Variants in RBM23 observed in about 807,000 individuals in gnomAD.
The protein encoded by RBM23 is RNA binding motif protein 23, also known as probable RNA-binding protein 23.
In RBM23, 53 loss-of-function variants were observed where a neutral mutation model predicts 56.2. The observed-to-expected ratio is 0.94, with a 90% CI of 0.76 to 1.19. The LOEUF (loss-of-function observed/expected upper bound fraction) is 1.19. Among genes scored for constraint, RBM23 ranks in the 50% most tolerant of loss-of-function variants. The probability of loss-of-function intolerance (pLI) is 0.00; values close to 1 mark genes in which losing one functional copy is unlikely to be tolerated. For missense variants in RBM23, 642 were observed against 590.3 expected, an observed-to-expected ratio of 1.09 and a Z score of -0.91; for synonymous variants, 197 against 198.5, an observed-to-expected ratio of 0.99 and a Z score of 0.06.
chr14:22,915,371 T>C (rs2043294093), intron 1 of RBM23, among the ~76,000 whole-genome samples: 1 of 150,810 alleles, frequency 6.6e-6, no homozygotes, highest in African/African-American at 2.4e-5. Context: ...CAGCTAATTT[T>C]GTATTTTTAG....
chr14:22,903,984 G>T, intron 10 of RBM23: 1 of 1,373,928 alleles, frequency 7.3e-7, no homozygotes, highest in Non-Finnish European at 9.4e-7. Flanking sequence ...CTGCAGCCTG[G>T]TTACTATTAC....
At chr14:22,916,187 G>A (rs1395887191) in intron 1 of RBM23, among the ~76,000 whole-genome samples, 2 of 152,130 alleles carry the variant, frequency 1.3e-5, no homozygotes, top group Non-Finnish European at 2.9e-5. Context: ...CTGCAATCCA[G>A]TCTGTGCAGC....
At chr14:22,912,998 CAAAAAA>C (rs58361546) in intron 1 of RBM23, among the ~76,000 whole-genome samples, 2 of 35,412 alleles carry the variant, frequency 5.6e-5, no homozygotes, top group Non-Finnish European at 8.7e-5. Context: ...GATTCAGTCT[CAAAAAA>C]AAAAAAAAAA....
chr14:22,913,108 A>C (rs919140299), intron 1 of RBM23, among the ~76,000 whole-genome samples: 1 of 151,250 alleles, frequency 6.6e-6, no homozygotes, highest in Non-Finnish European at 1.5e-5. Flanking sequence ...GGCTGGGAGA[A>C]AAAGATTTTA....
At position 22,899,970 on chromosome 14, in the gene RBM23, C is replaced by G. The variant is rs2040321228; in HGVS notation, c.*1760G>C. Reference sequence around the variant, plus strand: ...AGCCCTGCCCCTGAATTCAGGCCTTCTCATTTGGTCCCTAAGCTGGGTGAG... The same window carrying G: ...AGCCCTGCCCCTGAATTCAGGCCTTGTCATTTGGTCCCTAAGCTGGGTGAG... On this transcript the variant is annotated 3_prime_UTR_variant, in exon 14 of 14. Transcript: ENST00000359890. 1.3e-5 allele frequency: 2 copies of G among 152,124 alleles called. No homozygotes were observed. Among genetic ancestry groups the G allele is most frequent in the Non-Finnish European group, 2.9e-5 (2 of 68,016 alleles). The allele number at this position is 152,124 out of a possible 1,614,324, so 9.4% of individuals were successfully genotyped here.
intron 1 of RBM23, among the ~76,000 whole-genome samples, chr14:22,912,578 G>T (rs933285818): frequency 6.6e-6 from 1 of 152,090 alleles, no homozygotes; most frequent in African/African-American, 2.4e-5. Context: ...AATGTTATTG[G>T]TCTGGAATTA....
chr14:22,903,960 C>T, intron 10 of RBM23: 1 of 1,327,350 alleles, frequency 7.5e-7, no homozygotes, highest in South Asian at 1.5e-5. Flanking sequence ...TCCCTCACAC[C>T]CCCAACCTTT....
intron 5 of RBM23, 165 bp from the exon 6 acceptor site, chr14:22,905,824 C>T (rs896140273): frequency 3.2e-6 from 2 of 633,492 alleles, no homozygotes; most frequent in Non-Finnish European, 2.7e-6. Context: ...TCTCGGGTCA[C>T]TGCAACCTTT....
In RBM23 at chr14:22,902,275, G is replaced by A; in HGVS notation, c.1038C>T (p.Gly346=). The change falls in exon 11 of 14, where the codon GGC becomes GGT. Residue 346 remains glycine (G), a synonymous_variant. Coordinates refer to ENST00000359890, the MANE Select transcript of RBM23 (RefSeq NM_001077351.2). ...CCCCATCAGGAAAAGTGATGTCTGT[G>A]CCACCATCCAGTCGCTCAGTCACAT... The part of the protein sequence containing the change: ...VGHVTERLDG[G]TDITFPDGDQ... 6.2e-7 allele frequency: 1 copy of A among 1,614,144 alleles called. No homozygotes were observed. Among genetic ancestry groups the A allele is most frequent in the Non-Finnish European group, 8.5e-7 (1 of 1,180,038 alleles).
In RBM23 at chr14:22,902,372, G is replaced by C. The variant is rs1251595424; in HGVS notation, c.941C>G (p.Ser314Cys). 6.2e-7 allele frequency: 1 copy of C among 1,611,422 alleles called. No individual in the cohort carries two copies. The highest frequency in any genetic ancestry group is 8.5e-7 in the Non-Finnish European group (1 of 1,177,772). The change falls in exon 11 of 14, where the codon TCT (serine) becomes TGT (cysteine). Residue 314 changes from serine (S) to cysteine (C), a missense_variant. Coordinates refer to ENST00000359890, the MANE Select transcript of RBM23 (RefSeq NM_001077351.2). The stretch of plus-strand genomic sequence containing the variant: ...TTCCAGGGCCCGCCGGGCACACTCA[G>C]AATCAGAGAACTATGAGAAACCCAG... ...KGYGFITFSD[S>C]ECARRALEQL...
intron 4 of RBM23, among the ~76,000 whole-genome samples, chr14:22,907,875 G>C (rs2041836801): frequency 6.6e-6 from 1 of 151,874 alleles, no homozygotes; most frequent in African/African-American, 2.4e-5. Context: ...TTGTGTCGTA[G>C]TTTTCAACAA....
chr14:22,910,350 T>C (rs1348844668), intron 2 of RBM23, among the ~76,000 whole-genome samples: 2 of 141,796 alleles, frequency 1.4e-5, no homozygotes, highest in Non-Finnish European at 3.0e-5. Context: ...TCCCAGCTAC[T>C]TGGGAGGCAG....
At chr14:22,908,406 T>C (rs570487956) in intron 3 of RBM23, 26 bp from the exon 4 acceptor site, 75 of 1,527,038 alleles carry the variant, frequency 4.9e-5, no homozygotes, top group South Asian at 9.7e-5. Context: ...CATTCTTCTT[T>C]TTTTTTTTTT....
In RBM23 at chr14:22,905,010, T is replaced by A; in HGVS notation, c.729A>T (p.Ala243=). The A allele has an allele frequency of 6.2e-7, 1 of 1,614,206 alleles. No homozygotes were observed. The highest frequency in any genetic ancestry group is 2.2e-5 in the East Asian group (1 of 44,892). Residue 243 remains alanine (A), a splice_region_variant and synonymous_variant, in exon 9 of 14, where the codon GCA becomes GCT. Transcript: ENST00000359890. The stretch of plus-strand genomic sequence containing the variant: ...CCATGGCTGCCAGTCGGTTTTTCTC[T>A]GCCTGGGGAAGGAGGAAATGATGGG... The part of the protein sequence containing the change: ...GVPIIVQASQ[A]EKNRLAAMAN...
Position 22,897,899 on chromosome 14 carries a change from G to C in RBM23, c.*3831C>G, listed in dbSNP as rs929965828. 1 of 152,160 alleles carries C rather than the reference G, an allele frequency of 6.6e-6. No homozygotes were observed. Among genetic ancestry groups the C allele is most frequent in the Non-Finnish European group, 1.5e-5 (1 of 68,028 alleles). The allele number at this position is 152,160 out of a possible 1,614,324, so 9.4% of individuals were successfully genotyped here. A position where few individuals can be genotyped will look rare whatever the true frequency, so the allele number is the denominator to read the frequency against. On this transcript the variant is annotated 3_prime_UTR_variant, in exon 14 of 14. Transcript: ENST00000359890. The stretch of plus-strand genomic sequence containing the variant: ...AGTAAAGATAATAAACTACTTGAGA[G>C]GATTGTTGTGAGGATTTTGTGACTT...
chr14:22,901,677 T>C lies in RBM23; in HGVS notation c.*53A>G. ...AGAAATGGGGCCATGGAAGAGTAGA[T>C]GTGAAGTGGCAGGATCCAGAGGCAC... On this transcript the variant is annotated 3_prime_UTR_variant, in exon 14 of 14. Coordinates refer to ENST00000359890, the MANE Select transcript of RBM23 (RefSeq NM_001077351.2). The C allele has an allele frequency of 6.3e-7, 1 of 1,591,796 alleles. No individual in the cohort carries two copies. Among genetic ancestry groups the C allele is most frequent in the Non-Finnish European group, 8.6e-7 (1 of 1,159,840 alleles).
At chr14:22,906,171 G>A in intron 5 of RBM23, 24 bp downstream of exon 5, 1 of 1,611,972 alleles carries the variant, frequency 6.2e-7, no homozygotes, top group Admixed American at 1.7e-5. Context: ...ATACAAAAGT[G>A]AATCTATTAG....
In RBM23 at chr14:22,898,870, T is replaced by G. The variant is rs1020879136; in HGVS notation, c.*2860A>C. On this transcript the variant is annotated 3_prime_UTR_variant, in exon 14 of 14. Coordinates refer to ENST00000359890, the MANE Select transcript of RBM23 (RefSeq NM_001077351.2). ...GATGACTAACAAAAACGGTACCCAC[T>G]GCACTTCTCAAGATACATTAGAAGC... The G allele has an allele frequency of 6.6e-6, 1 of 152,106 alleles. No individual in the cohort carries two copies. Among genetic ancestry groups the G allele is most frequent in the Non-Finnish European group, 1.5e-5 (1 of 68,054 alleles). The allele number at this position is 152,106 out of a possible 1,614,324, so 9.4% of individuals were successfully genotyped here. A position where few individuals can be genotyped will look rare whatever the true frequency, so the allele number is the denominator to read the frequency against.
At chr14:22,918,024 G>A (rs941845524) in intron 1 of RBM23, among the ~76,000 whole-genome samples, 3 of 152,124 alleles carry the variant, frequency 2.0e-5, no homozygotes, top group East Asian at 1.9e-4. Flanking sequence ...ACTGAAGGCA[G>A]CTTAACAAAA....
Sources: gnomAD v4.1 joint callset for allele counts (sites outside exome capture counted in the v4.1 genomes callset) on GRCh38, gnomAD v4.1.1 for gene constraint, MANE v1.5 for transcripts, NCBI Gene and HGNC (gene_info 2026-07-23, HGNC 2026-07-21) for gene names.